The following GBE1 variants were observed in gnomAD, a reference collection of about 807,000 sequenced individuals.
GBE1 encodes the protein 1,4-alpha-glucan branching enzyme 1.
In GBE1, 70 loss-of-function variants were observed where a neutral mutation model predicts 88.8. The ratio of observed to expected loss-of-function variants is 0.79; its 90% CI spans 0.65 to 0.96. The LOEUF is 0.96. Ranked by LOEUF, GBE1 falls within the 40% of genes least tolerant of loss-of-function variation. GBE1 has a pLI of 0.00. For synonymous variants in GBE1, 284 were observed against 300.1 expected, an observed-to-expected ratio of 0.95 and a Z score of 0.56; for missense variants, 872 against 871.0, an observed-to-expected ratio of 1.00 and a Z score of -0.01.
intron 12 of GBE1, among the ~76,000 whole-genome samples, chr3:81,539,920 G>A (rs918884037): frequency 7.2e-5 from 11 of 151,874 alleles, no homozygotes; most frequent in African/African-American, 2.7e-4. Context: ...ATTGTAGGTG[G>A]GGAGAAAGAG....
At chr3:81,679,466 T>C (rs955594924) in intron 2 of GBE1, among the ~76,000 whole-genome samples, 1 of 152,202 alleles carries the variant, frequency 6.6e-6, no homozygotes, top group African/African-American at 2.4e-5. Flanking sequence ...CCTAATGTGT[T>C]AAGAATCCAT....
At chr3:81,636,032 A>G (rs1704587812) in intron 7 of GBE1, among the ~76,000 whole-genome samples, 2 of 152,280 alleles carry the variant, frequency 1.3e-5, no homozygotes, top group South Asian at 4.2e-4. Context: ...TTATACAAAG[A>G]CGGTAAATCC....
chr3:81,716,060 T>C (rs1705932872), intron 1 of GBE1, among the ~76,000 whole-genome samples: 1 of 152,208 alleles, frequency 6.6e-6, no homozygotes, highest in East Asian at 1.9e-4. Context: ...TTTATTCATA[T>C]TGTACCATCT....
chr3:81,613,063 A>T, intron 7 of GBE1: 1 of 698,870 alleles, frequency 1.4e-6, no homozygotes. Flanking sequence ...GAGGAGGATG[A>T]AGGAGAAGAT....
intron 12 of GBE1, among the ~76,000 whole-genome samples, chr3:81,561,300 A>G (rs1324506093): frequency 6.6e-6 from 1 of 152,068 alleles, no homozygotes; most frequent in African/African-American, 2.4e-5. Context: ...TGTCTCATGG[A>G]CTAAAACAAT....
rs199937335 is a variant in GBE1 at position 81,681,890 on chromosome 3, C to T, written c.314-10937G>A. Reference sequence around the variant, plus strand: ...GTAATCTCTGTTCTTTAATATCACACAAAAAGTACAAGTAGCAAATGAAAA... The same window carrying T: ...GTAATCTCTGTTCTTTAATATCACATAAAAAGTACAAGTAGCAAATGAAAA... On this transcript the variant is annotated intron_variant, in intron 2 of 15. Transcript: ENST00000429644. Among the ~76,000 whole-genome samples the T allele has an allele frequency of 3.9e-5, 6 of 151,974 alleles. No homozygotes were observed. In the East Asian group the frequency reaches 1.2e-3, roughly 29 times the overall value.
intron 15 of GBE1, among the ~76,000 whole-genome samples, chr3:81,497,263 A>G (rs141330614): frequency 2.9e-4 from 44 of 152,270 alleles, no homozygotes; most frequent in African/African-American, 9.1e-4. Context: ...TAAGAAGATC[A>G]TCTCCCCAAA....
At chr3:81,677,537 C>T (rs923229511) in intron 2 of GBE1, among the ~76,000 whole-genome samples, 2 of 152,110 alleles carry the variant, frequency 1.3e-5, no homozygotes, top group Non-Finnish European at 2.9e-5. Flanking sequence ...TGAAGTTTGG[C>T]TACTTAACTT....
intron 10 of GBE1, among the ~76,000 whole-genome samples, chr3:81,581,758 C>A (rs932151129): frequency 6.6e-6 from 1 of 151,982 alleles, no homozygotes; most frequent in African/African-American, 2.4e-5. Flanking sequence ...TAATTATCAT[C>A]AAATAATTAC....
At chr3:81,527,090 G>A (rs1401513759) in intron 14 of GBE1, among the ~76,000 whole-genome samples, 3 of 151,996 alleles carry the variant, frequency 2.0e-5, no homozygotes, top group South Asian at 2.1e-4. Flanking sequence ...TCTGATCTTT[G>A]ACAAATCTGA....
Position 81,590,825 on chromosome 3 carries a change from G to A in GBE1, c.1236+212C>T, listed in dbSNP as rs758612218. Among the ~76,000 whole-genome samples, 3 of 151,960 alleles carry A rather than the reference G, an allele frequency of 2.0e-5. No individual in the cohort carries two copies. The East Asian group carries it at 5.8e-4, about 29-fold the overall frequency. On this transcript the variant is annotated intron_variant, in intron 9 of 15. Transcript: ENST00000429644. Reference sequence around the variant, plus strand: ...GCATTTTCTTTTTTAACAACAGAATGGTGACAAGTAATTAGTATACATTAT... The same window carrying A: ...GCATTTTCTTTTTTAACAACAGAATAGTGACAAGTAATTAGTATACATTAT...
intron 12 of GBE1, among the ~76,000 whole-genome samples, chr3:81,556,331 A>C (rs1417999821): frequency 1.3e-5 from 2 of 152,124 alleles, no homozygotes; most frequent in African/African-American, 2.4e-5. Flanking sequence ...GTAAAAAAAA[A>C]ATCCAAGAGA....
At chr3:81,623,764 A>G (rs569870434) in intron 7 of GBE1, among the ~76,000 whole-genome samples, 1 of 152,298 alleles carries the variant, frequency 6.6e-6, no homozygotes, top group South Asian at 2.1e-4. Context: ...GCCTGGGCTC[A>G]GGCAGTCTTC....
chr3:81,719,741 T>G (rs993824871), intron 1 of GBE1, among the ~76,000 whole-genome samples: 5 of 152,206 alleles, frequency 3.3e-5, no homozygotes, highest in African/African-American at 7.2e-5. Context: ...AGAATTTATA[T>G]CTTTATGATA....
intron 15 of GBE1, among the ~76,000 whole-genome samples, chr3:81,493,469 G>T (rs1702462603): frequency 1.3e-5 from 2 of 151,232 alleles, no homozygotes; most frequent in South Asian, 4.2e-4. Context: ...TGATAATTTA[G>T]AACCAGTCTT....
intron 1 of GBE1, among the ~76,000 whole-genome samples, chr3:81,749,414 G>A (rs1237824397): frequency 6.6e-6 from 1 of 151,730 alleles, no homozygotes; most frequent in Non-Finnish European, 1.5e-5. Flanking sequence ...AAACATTACA[G>A]ACATGCAAAC....
chr3:81,601,439 C>T (rs1704031270), intron 7 of GBE1, among the ~76,000 whole-genome samples: 2 of 152,144 alleles, frequency 1.3e-5, no homozygotes, highest in South Asian at 4.1e-4. Context: ...CCTGGTACAA[C>T]ATCTTTTAAA....
chr3:81,713,050 T>C (rs1391672364), intron 1 of GBE1, among the ~76,000 whole-genome samples: 1 of 152,204 alleles, frequency 6.6e-6, no homozygotes, highest in Middle Eastern at 3.2e-3. Flanking sequence ...ATATTTATTG[T>C]GTGCTAATAA....
intron 12 of GBE1, among the ~76,000 whole-genome samples, chr3:81,544,534 A>G (rs1703180747): frequency 6.6e-6 from 1 of 152,160 alleles, no homozygotes; most frequent in Non-Finnish European, 1.5e-5. Flanking sequence ...TAGTAACAGA[A>G]CTGGGTGCTT....
Sources: gnomAD v4.1 joint callset for allele counts (sites outside exome capture counted in the v4.1 genomes callset) on GRCh38, gnomAD v4.1.1 for gene constraint, MANE v1.5 for transcripts, NCBI Gene and HGNC (gene_info 2026-07-23, HGNC 2026-07-21) for gene names.